AIG1: variants seen among roughly 807,000 people sequenced by gnomAD.
The protein encoded by AIG1 is androgen induced 1.
A neutral mutation model predicts 31.4 loss-of-function variants in AIG1; 23 were observed. That is an observed-to-expected ratio of 0.73 (90% confidence interval 0.53 to 1.04). AIG1 has a LOEUF of 1.04. Among genes scored for constraint, AIG1 ranks in the 50% least tolerant of loss-of-function variants. AIG1 has a pLI of 0.00. For synonymous variants in AIG1, 100 were observed against 110.5 expected, an observed-to-expected ratio of 0.90 and a Z score of 0.60; for missense variants, 274 against 295.0, an observed-to-expected ratio of 0.93 and a Z score of 0.52.
chr6:143,337,139 G>A (rs1777556318), intron 5 of AIG1, among the ~76,000 whole-genome samples: 1 of 152,196 alleles, frequency 6.6e-6, no homozygotes. Context: ...TACAACCAAG[G>A]AGGAGCCAGT....
At chr6:143,111,531 A>G (rs1163176608) in intron 1 of AIG1, among the ~76,000 whole-genome samples, 1 of 152,080 alleles carries the variant, frequency 6.6e-6, no homozygotes, top group Non-Finnish European at 1.5e-5. Flanking sequence ...TTCATTGTGA[A>G]TTCTCAATCT....
intron 1 of AIG1, among the ~76,000 whole-genome samples, chr6:143,066,354 C>T (rs1393812446): frequency 2.0e-5 from 3 of 151,790 alleles, no homozygotes; most frequent in Non-Finnish European, 4.4e-5. Flanking sequence ...CTCACTTCAA[C>T]CTCCGCCTCC....
chr6:143,213,508 C>CTTTTTTTTTTTT (rs746350692), intron 3 of AIG1, among the ~76,000 whole-genome samples: 4 of 61,200 alleles, frequency 6.5e-5, no homozygotes, highest in Admixed American at 1.8e-4. Context: ...TTTCTTTCTT[C>CTTTTTTTTTTTT]TTTTTTTTTT....
chr6:143,171,505 T>A (rs1355917735), intron 3 of AIG1, among the ~76,000 whole-genome samples: 4 of 126,578 alleles, frequency 3.2e-5, no homozygotes, highest in Non-Finnish European at 4.8e-5. Flanking sequence ...AATATATATT[T>A]AATATATATA....
chr6:143,342,574 G>C (rs1777879008), downstream of AIG1: 1 of 975,596 alleles, frequency 1.0e-6, no homozygotes, highest in Non-Finnish European at 1.7e-6. Context: ...TGGGTTTACA[G>C]GCTGTGCATT....
chr6:143,120,452 A>G (rs1025608423), intron 1 of AIG1, among the ~76,000 whole-genome samples: 3 of 152,182 alleles, frequency 2.0e-5, no homozygotes, highest in African/African-American at 4.8e-5. Context: ...GGGAGGCCTC[A>G]CATTCATGAT....
chr6:143,064,353 G>T (rs1413590269), intron 1 of AIG1, among the ~76,000 whole-genome samples: 1 of 152,174 alleles, frequency 6.6e-6, no homozygotes, highest in African/African-American at 2.4e-5. Flanking sequence ...GACAATGCTG[G>T]GTTTGAAGAT....
At chr6:143,120,642 C>T (rs994288110) in intron 1 of AIG1, among the ~76,000 whole-genome samples, 10 of 152,162 alleles carry the variant, frequency 6.6e-5, no homozygotes, top group African/African-American at 7.2e-5. Context: ...TGTCATAACA[C>T]GCGGGGATTA....
chr6:143,176,607 A>ACAGGT (rs2128579934), intron 3 of AIG1, among the ~76,000 whole-genome samples: 1 of 152,220 alleles, frequency 6.6e-6, no homozygotes, highest in South Asian at 2.1e-4. Context: ...GCTGTGTGAC[A>ACAGGT]CAGGTCACCA....
intron 4 of AIG1, among the ~76,000 whole-genome samples, chr6:143,289,599 T>C (rs1265737376): frequency 1.3e-5 from 2 of 152,210 alleles, no homozygotes; most frequent in Non-Finnish European, 2.9e-5. Context: ...AATTATTTCA[T>C]GTCAAAATTC....
intron 3 of AIG1, chr6:143,189,492 A>G: frequency 2.0e-6 from 2 of 985,290 alleles, no homozygotes; most frequent in Non-Finnish European, 2.4e-6. Context: ...ATGATATTTC[A>G]TTAGGTTTTG....
chr6:143,255,178 G>A (rs1795294789), intron 3 of AIG1, among the ~76,000 whole-genome samples: 1 of 152,172 alleles, frequency 6.6e-6, no homozygotes, highest in South Asian at 2.1e-4. Flanking sequence ...GGAACAGCAG[G>A]GGCCTGCAGT....
chr6:143,305,903 G>A (rs1043201968), intron 4 of AIG1, among the ~76,000 whole-genome samples: 2 of 152,086 alleles, frequency 1.3e-5, no homozygotes, highest in African/African-American at 2.4e-5. Flanking sequence ...ATGAAACTGG[G>A]TGCTCCTGTA....
intron 1 of AIG1, among the ~76,000 whole-genome samples, chr6:143,083,494 T>C (rs1185024807): frequency 6.6e-6 from 1 of 152,196 alleles, no homozygotes; most frequent in Non-Finnish European, 1.5e-5. Context: ...TAAACCACTC[T>C]GCTTCCTCTA....
chr6:143,091,458 G>T (rs1204160160), intron 1 of AIG1, among the ~76,000 whole-genome samples: 3 of 152,344 alleles, frequency 2.0e-5, no homozygotes, highest in Non-Finnish European at 4.4e-5. Context: ...TAACACCAGA[G>T]AAATCTTTTA....
intron 3 of AIG1, among the ~76,000 whole-genome samples, chr6:143,166,862 G>T (rs1276543811): frequency 6.6e-6 from 1 of 152,182 alleles, no homozygotes; most frequent in African/African-American, 2.4e-5. Context: ...CCCAAATGAC[G>T]TAGCTCAGGA....
rs545763204 is a variant in AIG1, at chr6:143,276,151, G to A, written c.400-7959G>A. On this transcript the variant is annotated intron_variant, in intron 3 of 5. Transcript: ENST00000357847. ...TGCAAAAGTAATAGCCCAGTAAAACGTGTCACTGTCCTAGTGTAATGGTTC... is the reference window on the plus strand; with the variant it reads ...TGCAAAAGTAATAGCCCAGTAAAACATGTCACTGTCCTAGTGTAATGGTTC... Among the ~76,000 whole-genome samples, 4 of 152,290 alleles carry A rather than the reference G, an allele frequency of 2.6e-5. 1 individual carries two copies. Among genetic ancestry groups the A allele is most frequent in the South Asian group, 4.1e-4 (2 of 4,828 alleles).
chr6:143,113,288 T>C (rs1781447206), intron 1 of AIG1, among the ~76,000 whole-genome samples: 2 of 151,980 alleles, frequency 1.3e-5, no homozygotes, highest in African/African-American at 2.4e-5. Context: ...TTCTACTTTT[T>C]CAGATACAAT....
At chr6:143,261,373 C>G (rs914475426) in intron 3 of AIG1, among the ~76,000 whole-genome samples, 2 of 152,160 alleles carry the variant, frequency 1.3e-5, no homozygotes, top group Admixed American at 1.3e-4. Context: ...CTCAGGTGAT[C>G]CACCCGCCTC....
Sources: gnomAD v4.1 joint callset for allele counts (sites outside exome capture counted in the v4.1 genomes callset) on GRCh38, gnomAD v4.1.1 for gene constraint, MANE v1.5 for transcripts, NCBI Gene and HGNC (gene_info 2026-07-23, HGNC 2026-07-21) for gene names.